Variants in MECOM observed in about 807,000 individuals in gnomAD.
MECOM encodes the protein histone-lysine N-methyltransferase MECOM.
In MECOM, 13 loss-of-function variants were observed where a neutral mutation model predicts 116.3. The ratio of observed to expected loss-of-function variants is 0.11; its 90% CI spans 0.07 to 0.18. The LOEUF is 0.18. MECOM is among the 10% of genes least tolerant of loss of function. The pLI, the probability that MECOM is intolerant of heterozygous loss-of-function variation, is 1.00. For synonymous variants in MECOM, 528 were observed against 535.2 expected, an observed-to-expected ratio of 0.99 and a Z score of 0.19; for missense variants, 1,299 against 1,509.0, an observed-to-expected ratio of 0.86 and a Z score of 2.31.
At chr3:169,389,600 C>T (rs1733917314) in intron 1 of MECOM, 1 of 985,172 alleles carries the variant, frequency 1.0e-6, no homozygotes. Context: ...TCTATGTCCC[C>T]AAAGTGATTT....
chr3:169,263,292 T>C (rs1307223874), intron 2 of MECOM, among the ~76,000 whole-genome samples: 6 of 150,238 alleles, frequency 4.0e-5, no homozygotes, highest in Admixed American at 6.6e-5. Flanking sequence ...CCATGCTCGG[T>C]TAATCTTTTG....
chr3:169,116,322 C>T lies in MECOM; in HGVS notation c.1550G>A (p.Ser517Asn). 6.2e-7 allele frequency: 1 copy of T among 1,614,146 alleles called. No homozygotes were observed. The stretch of plus-strand genomic sequence containing the variant: ...TTGACTTTTGTTTGTCTGTTCAGTA[C>T]TTGATAGTCCTTTAACAGGAGAACT... Reference protein sequence around the residue: ...PASSPVKGLSSTEQTNKSQSP... With the variant: ...PASSPVKGLSNTEQTNKSQSP... The change falls in exon 8 of 17, where the codon AGT becomes AAT. Residue 517 changes from serine (S) to asparagine (N), a missense_variant. Transcript: ENST00000651503.
chr3:169,328,144 G>A (rs1722161143), intron 2 of MECOM, among the ~76,000 whole-genome samples: 1 of 152,098 alleles, frequency 6.6e-6, no homozygotes, highest in African/African-American at 2.4e-5. Flanking sequence ...TTGTCACACT[G>A]GCTTCTCACC....
intron 1 of MECOM, among the ~76,000 whole-genome samples, chr3:169,633,766 G>A (rs944391940): frequency 5.3e-5 from 8 of 152,070 alleles, no homozygotes; most frequent in Non-Finnish European, 1.2e-4. Flanking sequence ...CAAGAAGAGA[G>A]GCTAAGGTTG....
chr3:169,384,711 T>C (rs1201394305), intron 1 of MECOM, among the ~76,000 whole-genome samples: 4 of 152,130 alleles, frequency 2.6e-5, no homozygotes, highest in African/African-American at 4.8e-5. Context: ...TAGAACAATA[T>C]TCCTCCCGTA....
intron 1 of MECOM, among the ~76,000 whole-genome samples, chr3:169,422,240 T>C (rs1212424103): frequency 6.6e-6 from 1 of 152,134 alleles, no homozygotes; most frequent in East Asian, 1.9e-4. Context: ...GTGTGTGTAA[T>C]GTTAAAACTT....
chr3:169,322,816 G>T (rs1414510244), intron 2 of MECOM, among the ~76,000 whole-genome samples: 1 of 151,652 alleles, frequency 6.6e-6, no homozygotes, highest in Non-Finnish European at 1.5e-5. Context: ...TGGCCAACAT[G>T]GCAAAACCCC....
At chr3:169,111,430 C>T (rs1273693289) in intron 9 of MECOM, among the ~76,000 whole-genome samples, 1 of 152,038 alleles carries the variant, frequency 6.6e-6, no homozygotes, top group Non-Finnish European at 1.5e-5. Flanking sequence ...GAGAGATGTA[C>T]TTTTTGTACA....
chr3:169,089,992 G>A lies in MECOM; in HGVS notation c.3401+8C>T. On this transcript the variant is annotated splice_region_variant and intron_variant, in intron 15 of 16. Transcript: ENST00000651503. ...AGCTTAGTTTCTAAAGTCACCCAAG[G>A]TACTCACCTCACTGGGGATGTCTTG... 1 of 1,611,698 alleles carries A rather than the reference G, an allele frequency of 6.2e-7. No individual in the cohort carries two copies. Among genetic ancestry groups the A allele is most frequent in the Non-Finnish European group, 8.5e-7 (1 of 1,178,890 alleles).
At chr3:169,499,300 A>G (rs1259849768) in intron 1 of MECOM, among the ~76,000 whole-genome samples, 2 of 148,992 alleles carry the variant, frequency 1.3e-5, no homozygotes, top group African/African-American at 4.9e-5. Flanking sequence ...GGTCCAGGAT[A>G]CAGAGAAAAA....
At chr3:169,107,570 A>G (rs554755187) in intron 10 of MECOM, among the ~76,000 whole-genome samples, 8 of 152,306 alleles carry the variant, frequency 5.3e-5, no homozygotes, top group African/African-American at 1.9e-4. Context: ...GCATCTTTAC[A>G]TGCTGATACA....
intron 1 of MECOM, among the ~76,000 whole-genome samples, chr3:169,518,412 T>C (rs9834026): frequency 0.08 from 12,163 of 152,148 alleles, 1,624 homozygotes; most frequent in African/African-American, 0.28. Context: ...TAAAATAAAG[T>C]TTAGCAGCAT....
chr3:169,162,207 C>T (rs138677266), intron 2 of MECOM, among the ~76,000 whole-genome samples: 2,511 of 152,292 alleles, frequency 0.016, 44 homozygotes, highest in Non-Finnish European at 0.02. Flanking sequence ...CCCCACAGCA[C>T]TCTCTCTGAT....
intron 1 of MECOM, among the ~76,000 whole-genome samples, chr3:169,385,264 T>G (rs1733136165): frequency 6.6e-6 from 1 of 152,172 alleles, no homozygotes; most frequent in Non-Finnish European, 1.5e-5. Context: ...TACATGTGTG[T>G]GCCCAGGCAG....
intron 1 of MECOM, among the ~76,000 whole-genome samples, chr3:169,539,414 G>C (rs1458278403): frequency 2.6e-5 from 4 of 152,044 alleles, no homozygotes; most frequent in Non-Finnish European, 5.9e-5. Context: ...TTATGTTTTA[G>C]AGTCTCTTCT....
chr3:169,602,524 G>C (rs545368516), intron 1 of MECOM, among the ~76,000 whole-genome samples: 19 of 152,208 alleles, frequency 1.2e-4, no homozygotes, highest in African/African-American at 4.6e-4. Context: ...CCTGATTGTA[G>C]GATGTTTAAC....
intron 2 of MECOM, among the ~76,000 whole-genome samples, chr3:169,281,665 A>G (rs1288758464): frequency 6.6e-6 from 1 of 152,118 alleles, no homozygotes; most frequent in East Asian, 1.9e-4. Context: ...TACAAAAATT[A>G]GCTGGGTGTG....
At chr3:169,139,541 A>C (rs995187846) in intron 3 of MECOM, among the ~76,000 whole-genome samples, 1 of 152,134 alleles carries the variant, frequency 6.6e-6, no homozygotes, top group East Asian at 1.9e-4. Flanking sequence ...AAATTGTATT[A>C]ATTGTAAGTG....
chr3:169,417,851 G>A (rs376866781), intron 1 of MECOM, among the ~76,000 whole-genome samples: 15 of 151,876 alleles, frequency 9.9e-5, no homozygotes, highest in Middle Eastern at 3.4e-3. Context: ...GCAAACTATC[G>A]CAAGAACAAA....
Sources: allele counts gnomAD v4.1 joint callset (sites outside exome capture counted in the v4.1 genomes callset), GRCh38; gene constraint gnomAD v4.1.1; transcripts MANE v1.5; gene names NCBI Gene and HGNC (gene_info 2026-07-23, HGNC 2026-07-21).